Variants in CACNA1S observed in about 807,000 individuals in gnomAD.
CACNA1S encodes calcium voltage-gated channel subunit alpha1 S, also known as voltage-dependent L-type calcium channel subunit alpha-1S.
Under a neutral mutation model 207.4 loss-of-function variants are expected in CACNA1S, and 126 were observed. That is an observed-to-expected ratio of 0.61 (90% CI 0.53 to 0.70). The LOEUF (loss-of-function observed/expected upper bound fraction) is 0.70, where lower values mean the gene tolerates loss of function less well. Among genes scored for constraint, CACNA1S ranks in the 30% least tolerant of loss-of-function variants. The pLI is 0.00. For missense variants in CACNA1S, 2,349 were observed against 2,422.8 expected, an observed-to-expected ratio of 0.97 and a Z score of 0.64; for synonymous variants, 960 against 932.7, an observed-to-expected ratio of 1.03 and a Z score of -0.53.
At position 201,089,305 on chromosome 1, in the gene CACNA1S, C is replaced by T. The variant is rs770679071; in HGVS notation, c.853G>A (p.Val285Met). 77 of 1,614,136 alleles carry T rather than the reference C, an allele frequency of 4.8e-5. No individual in the cohort carries two copies. Among genetic ancestry groups the T allele is most frequent in the Non-Finnish European group, 6.3e-5 (74 of 1,180,060 alleles). The change falls in exon 6 of 44, where the codon GTG becomes ATG. Residue 285 changes from valine (V) to methionine (M), a missense_variant. Val to Met is a conservative substitution (Grantham distance 21). Coordinates refer to ENST00000362061, the MANE Select transcript of CACNA1S (RefSeq NM_000069.3). ...FDNFGFSMLT[V>M]YQCITMEGWT... ...CCCTCCATGGTAATGCACTGGTACA[C>T]GGTGAGCATGGAGAAGCCGAAGTTG...
chr1:201,054,975 G>C (rs554069133), intron 28 of CACNA1S, among the ~76,000 whole-genome samples: 98 of 152,264 alleles, frequency 6.4e-4, no homozygotes, highest in African/African-American at 2.1e-3. Flanking sequence ...AGTGCCCTGA[G>C]GCCAGGGTCC....
intron 27 of CACNA1S, 127 bp downstream of exon 27, chr1:201,059,062 C>T: frequency 1.5e-6 from 1 of 654,128 alleles, no homozygotes. Flanking sequence ...AAGGGGTGAG[C>T]AAGTTGGGAG....
chr1:201,051,172 T>C, intron 32 of CACNA1S, 29 bp from the exon 33 acceptor site: 1 of 1,613,770 alleles, frequency 6.2e-7, no homozygotes, highest in Non-Finnish European at 8.5e-7. Flanking sequence ...TCCTGTCACC[T>C]ATCTGCTCCT....
At chr1:201,104,164 G>T (rs1335494729) in intron 2 of CACNA1S, among the ~76,000 whole-genome samples, 2 of 152,216 alleles carry the variant, frequency 1.3e-5, no homozygotes, top group Non-Finnish European at 2.9e-5. Flanking sequence ...TCCAGGTCAG[G>T]GTTTCTCAAC....
Position 201,087,678 on chromosome 1 carries a change from A to G in CACNA1S, c.1004+148T>C. 4.6e-6 allele frequency: 3 copies of G among 656,910 alleles called. No individual in the cohort carries two copies. In the South Asian group the frequency reaches 5.2e-5, roughly 11 times the overall value. The allele number at this position is 656,910 out of a possible 1,614,324, so 40.7% of individuals were successfully genotyped here. On this transcript the variant is annotated intron_variant, in intron 7 of 43. Transcript: ENST00000362061. ...GACTCACAGCCCCCTGCCCTGCTCC[A>G]CTCCTTCCTCCTCCTCCCTTCTCTC...
chr1:201,040,716 G>A lies in CACNA1S; in HGVS notation c.5135-3C>T, dbSNP rs1311822511. On this transcript the variant is annotated splice_region_variant and splice_polypyrimidine_tract_variant and intron_variant, in intron 41 of 43. Transcript: ENST00000362061. ...CACACAGGGTTTGCTGTGGGGTCCT[G>A]TATGCAAGAAGGGGCAAGGATAAGA... 2.5e-6 allele frequency: 4 copies of A among 1,612,938 alleles called. No individual in the cohort carries two copies. Among genetic ancestry groups the A allele is most frequent in the Non-Finnish European group, 3.4e-6 (4 of 1,179,278 alleles).
chr1:201,062,069 C>T lies in CACNA1S; in HGVS notation c.2928G>A (p.Lys976=), dbSNP rs759359831. ...GCTCTATCTGCATGGGGTCCCCGTCCTTGTACACGTAGTAGTAGCCCCTGT... is the reference window on the plus strand; with the variant it reads ...GCTCTATCTGCATGGGGTCCCCGTCTTTGTACACGTAGTAGTAGCCCCTGT... ...EECRGYYYVY[K]DGDPMQIELR... is the part of the protein sequence containing the mutation. Residue 976 remains lysine, a synonymous_variant, in exon 24 of 44, where the codon AAG becomes AAA. Coordinates refer to ENST00000362061, the MANE Select transcript of CACNA1S (RefSeq NM_000069.3). 9.3e-6 allele frequency: 15 copies of T among 1,613,918 alleles called. No homozygotes were observed. In the East Asian group the frequency reaches 3.1e-4, roughly 34 times the overall value.
Position 201,078,113 on chromosome 1 carries a change from T to C in CACNA1S, c.1394-9A>G. Reference sequence around the variant, plus strand: ...CACCCGGTTGGCAATGTCTGTAGGGTTGGTGGCACAGCCCCGGCATCACTC... The same window carrying C: ...CACCCGGTTGGCAATGTCTGTAGGGCTGGTGGCACAGCCCCGGCATCACTC... On this transcript the variant is annotated splice_polypyrimidine_tract_variant and intron_variant, in intron 10 of 43. Transcript: ENST00000362061. The C allele has an allele frequency of 1.9e-6, 3 of 1,602,482 alleles. No homozygotes were observed. The highest frequency in any genetic ancestry group is 2.6e-6 in the Non-Finnish European group (3 of 1,169,412).
chr1:201,072,764 C>T lies in CACNA1S; in HGVS notation c.2218G>A (p.Asp740Asn), dbSNP rs752513328. The T allele has an allele frequency of 1.5e-5, 24 of 1,613,230 alleles. No homozygotes were observed. The East Asian group carries it at 3.8e-4, about 25-fold the overall frequency. Residue 740 changes from aspartate to asparagine, a missense_variant, in exon 16 of 44, where the codon GAC becomes AAC. Transcript: ENST00000362061. The part of the protein sequence containing the change: ...NEVKDPYPSA[D>N]FPGDDEEDEP... ...TCTCCAGCATCCTCACCTGGGAAGT[C>T]GGCTGAGGGGTAGGGATCCTTCACC...
In CACNA1S at chr1:201,053,331, G is replaced by A. The variant is rs1660724096; in HGVS notation, c.3796-57C>T. On this transcript the variant is annotated intron_variant, in intron 30 of 43. Coordinates refer to ENST00000362061, the MANE Select transcript of CACNA1S (RefSeq NM_000069.3). The surrounding 1 kb of genome is among the most constrained non-coding windows in gnomAD (Gnocchi z 5.1). The stretch of plus-strand genomic sequence containing the variant: ...CTTAGGGCTCCACTGTGTGTCTGCA[G>A]CCCTGCCCTCTGTTAGCTCCCCAGG... 6.2e-7 allele frequency: 1 copy of A among 1,611,732 alleles called. No individual in the cohort carries two copies. The highest frequency in any genetic ancestry group is 8.5e-7 in the Non-Finnish European group (1 of 1,178,178).
intron 9 of CACNA1S, 105 bp from the exon 10 acceptor site, chr1:201,083,427 C>T: frequency 2.6e-6 from 3 of 1,149,818 alleles, no homozygotes; most frequent in East Asian, 2.3e-5. Context: ...CTGACCACCC[C>T]ACTTCCGCCA....
intron 2 of CACNA1S, among the ~76,000 whole-genome samples, chr1:201,101,035 G>A (rs372616873): frequency 2.0e-4 from 29 of 143,334 alleles, no homozygotes; most frequent in East Asian, 2.1e-4. Context: ...TCATCCAAGC[G>A]TTTTACATTT....
intron 35 of CACNA1S, 100 bp downstream of exon 35, chr1:201,048,903 G>A: frequency 1.0e-6 from 1 of 1,004,488 alleles, no homozygotes; most frequent in African/African-American, 1.6e-5. Flanking sequence ...GGAGATCCCG[G>A]CTCTACAATG....
At position 201,049,950 on chromosome 1, in the gene CACNA1S, G is replaced by A. The variant is rs778855954; in HGVS notation, c.4241+439C>T. Among the ~76,000 whole-genome samples the A allele has an allele frequency of 5.5e-4, 83 of 152,288 alleles. 1 individual carries two copies. The highest frequency in any genetic ancestry group is 4.1e-3 in the South Asian group (20 of 4,822). ...TCCTATCGGGAAGGAAAGTAAGAGA[G>A]CCGTGCTCTCCAAGCTTTAAATGCA... On this transcript the variant is annotated intron_variant, in intron 34 of 43. Coordinates refer to ENST00000362061, the MANE Select transcript of CACNA1S (RefSeq NM_000069.3).
chr1:201,058,125 G>A (rs920514518), intron 28 of CACNA1S, among the ~76,000 whole-genome samples: 3 of 152,130 alleles, frequency 2.0e-5, no homozygotes, highest in Non-Finnish European at 2.9e-5. Flanking sequence ...CCTCCATGAA[G>A]CCTTCTCTGA....
At chr1:201,110,019 C>A in intron 2 of CACNA1S, 145 bp downstream of exon 2, 1 of 768,424 alleles carries the variant, frequency 1.3e-6, no homozygotes, top group Non-Finnish European at 2.3e-6. Flanking sequence ...CTCAGCCAGC[C>A]CTGCAGGTGG....
At position 201,097,254 on chromosome 1, in the gene CACNA1S, C is replaced by G. The variant is rs143294182; in HGVS notation, c.259-3233G>C. Among the ~76,000 whole-genome samples, 1,500 of 152,312 alleles carry G rather than the reference C, an allele frequency of 9.8e-3. 13 individuals carry two copies. Among genetic ancestry groups the G allele is most frequent in the African/African-American group, 0.03 (1,241 of 41,576 alleles). On this transcript the variant is annotated intron_variant, in intron 2 of 43. Coordinates refer to ENST00000362061, the MANE Select transcript of CACNA1S (RefSeq NM_000069.3). The stretch of plus-strand genomic sequence containing the variant: ...CTTCTCCATACAGACCCGGCTACTG[C>G]CTTGCTTGCAAGTCTGCAATGGCTC...
intron 1 of CACNA1S, among the ~76,000 whole-genome samples, chr1:201,110,598 C>T (rs1663063051): frequency 1.3e-5 from 2 of 152,224 alleles, no homozygotes; most frequent in Non-Finnish European, 2.9e-5. Context: ...AGCGCCTGTC[C>T]ATGCCCTTGC....
At chr1:201,106,733 T>G (rs1243827850) in intron 2 of CACNA1S, among the ~76,000 whole-genome samples, 1 of 152,170 alleles carries the variant, frequency 6.6e-6, no homozygotes, top group East Asian at 1.9e-4. Context: ...CGACATCCTG[T>G]GCCCTGGCCA....
Sources: allele counts gnomAD v4.1 joint callset (sites outside exome capture counted in the v4.1 genomes callset), GRCh38; gene constraint gnomAD v4.1.1; non-coding constraint Gnocchi (gnomAD v3.1); transcripts MANE v1.5; gene names NCBI Gene and HGNC (gene_info 2026-07-23, HGNC 2026-07-21).